The following ASCC2 variants were observed in gnomAD, a reference collection of about 807,000 sequenced individuals.
ASCC2 encodes the protein ASC-1 complex subunit P100.
Under a neutral mutation model 93.5 loss-of-function variants are expected in ASCC2, and 42 were observed. The observed-to-expected ratio is 0.45, with a 90% CI of 0.35 to 0.58. The LOEUF is 0.58. Among genes scored for constraint, ASCC2 ranks in the 20% least tolerant of loss-of-function variants. ASCC2 has a pLI of 0.00. For synonymous variants in ASCC2, 364 were observed against 384.2 expected (o/e 0.95, Z 0.62); for missense variants, 859 against 977.6 (o/e 0.88, Z 1.62).
At chr22:29,827,791 CAA>C (rs1491084069) in intron 2 of ASCC2, among the ~76,000 whole-genome samples, 1 of 91,692 alleles carries the variant, frequency 1.1e-5, no homozygotes, top group Non-Finnish European at 2.2e-5. Flanking sequence ...CACACACACA[CAA>C]CCAGGCTACT....
chr22:29,801,673 AG>A (rs1270311911), intron 14 of ASCC2, among the ~76,000 whole-genome samples: 19 of 152,288 alleles, frequency 1.2e-4, no homozygotes, highest in Non-Finnish European at 1.5e-5. Context: ...TCGTAATGAC[AG>A]GGGCAGGTCA....
chr22:29,804,734 C>T lies in ASCC2; in HGVS notation c.1257G>A (p.Val419=). The T allele has an allele frequency of 6.2e-7, 1 of 1,614,162 alleles. No individual in the cohort carries two copies. Among genetic ancestry groups the T allele is most frequent in the South Asian group, 1.1e-5 (1 of 91,080 alleles). The change falls in exon 13 of 20, where the codon GTG becomes GTA. Residue 419 remains valine, a synonymous_variant. Transcript: ENST00000307790. The stretch of plus-strand genomic sequence containing the variant: ...TAGGCTCCCCATTAGGCTCCTCAAT[C>T]ACCGATGGGTCTTTAGCATCTGTGG... ...RKATDAKDPS[V]IEEPNGEPNG...
intron 15 of ASCC2, among the ~76,000 whole-genome samples, chr22:29,793,914 T>C (rs1170393589): frequency 6.6e-6 from 1 of 151,624 alleles, no homozygotes; most frequent in Non-Finnish European, 1.5e-5. Context: ...TTTTTTTTTT[T>C]TTGAGAGGAA....
At chr22:29,800,710 G>T (rs928758257) in intron 15 of ASCC2, among the ~76,000 whole-genome samples, 6 of 152,210 alleles carry the variant, frequency 3.9e-5, no homozygotes, top group Non-Finnish European at 7.3e-5. Context: ...ATTAAAAGAT[G>T]TAAGAAGAAG....
intron 5 of ASCC2, among the ~76,000 whole-genome samples, chr22:29,821,565 G>A (rs554598979): frequency 6.6e-6 from 1 of 152,204 alleles, no homozygotes; most frequent in Non-Finnish European, 1.5e-5. Flanking sequence ...TAACATATGT[G>A]GAGTGCTTGG....
intron 15 of ASCC2, among the ~76,000 whole-genome samples, chr22:29,799,010 C>T (rs1336156595): frequency 6.6e-6 from 1 of 152,232 alleles, no homozygotes; most frequent in Non-Finnish European, 1.5e-5. Flanking sequence ...GAAACCTGGC[C>T]ACCTCAATGC....
chr22:29,789,486 A>C (rs949063786), intron 19 of ASCC2, among the ~76,000 whole-genome samples: 1 of 152,224 alleles, frequency 6.6e-6, no homozygotes, highest in Non-Finnish European at 1.5e-5. Context: ...GGAGGGCTTC[A>C]GGTGGGTCTC....
At chr22:29,813,397 T>A (rs368862173) in intron 8 of ASCC2, 33 bp downstream of exon 8, 1 of 1,379,536 alleles carries the variant, frequency 7.2e-7, no homozygotes, top group African/African-American at 1.4e-5. Context: ...TAAGCCAGTA[T>A]CTCTATTTCA....
At chr22:29,822,275 C>T in intron 5 of ASCC2, 60 bp downstream of exon 5, 1 of 1,604,222 alleles carries the variant, frequency 6.2e-7, no homozygotes, top group Admixed American at 1.7e-5. Flanking sequence ...CCTTTGCAAC[C>T]TTTAGTTTGG....
At chr22:29,822,518 A>G in intron 4 of ASCC2, 54 bp from the exon 5 acceptor site, 1 of 1,593,890 alleles carries the variant, frequency 6.3e-7, no homozygotes, top group South Asian at 1.1e-5. Flanking sequence ...CTCCTACATT[A>G]TAAATAGCAA....
intron 5 of ASCC2, 37 bp from the exon 6 acceptor site, chr22:29,816,110 G>GT (rs2060820586): frequency 6.6e-7 from 1 of 1,521,682 alleles, no homozygotes; most frequent in East Asian, 2.3e-5. Context: ...TTGAGAAAAG[G>GT]TGGGGGCTCG....
intron 18 of ASCC2, among the ~76,000 whole-genome samples, chr22:29,791,860 C>G (rs1044345291): frequency 2.6e-5 from 4 of 152,314 alleles, no homozygotes; most frequent in Admixed American, 2.6e-4. Context: ...CAGCGCAGTC[C>G]CCACCAGGCC....
chr22:29,790,650 C>A, intron 18 of ASCC2, 102 bp from the exon 19 acceptor site: 1 of 1,218,304 alleles, frequency 8.2e-7, no homozygotes, highest in Non-Finnish European at 1.2e-6. Flanking sequence ...TGCCTCCATG[C>A]CAGGTGTGGG....
intron 19 of ASCC2, among the ~76,000 whole-genome samples, chr22:29,789,597 C>A (rs1393002083): frequency 6.6e-6 from 1 of 152,246 alleles, no homozygotes; most frequent in African/African-American, 2.4e-5. Flanking sequence ...AGTGCACTCA[C>A]AGATGTGACC....
At chr22:29,806,961 A>C in intron 9 of ASCC2, 57 bp from the exon 10 acceptor site, 1 of 1,381,992 alleles carries the variant, frequency 7.2e-7, no homozygotes, top group South Asian at 1.2e-5. Context: ...CTGAGGGGCC[A>C]GGTGCAGTGG....
In ASCC2 at chr22:29,806,198, G is replaced by A; in HGVS notation, c.1160+18C>T. 1 of 1,612,994 alleles carries A rather than the reference G, an allele frequency of 6.2e-7. No individual in the cohort carries two copies. ...GTCAAGCTGGGCCCTGTCGTAGTGG[G>A]CTATGGTAGAAGGATACAAGACTGA... On this transcript the variant is annotated intron_variant, in intron 12 of 19. Coordinates refer to ENST00000307790, the MANE Select transcript of ASCC2 (RefSeq NM_032204.5).
At chr22:29,793,216 G>A (rs1347952199) in intron 17 of ASCC2, 144 bp downstream of exon 17, 8 of 1,139,766 alleles carry the variant, frequency 7.0e-6, no homozygotes, top group African/African-American at 3.1e-5. Flanking sequence ...AGGGTGGGCT[G>A]GGGTGGAGGA....
chr22:29,827,921 C>CAG (rs1392230824), intron 2 of ASCC2, among the ~76,000 whole-genome samples: 1 of 143,760 alleles, frequency 7.0e-6, no homozygotes, highest in Admixed American at 6.9e-5. Flanking sequence ...CACACACACA[C>CAG]ACACACACCA....
In ASCC2 at chr22:29,804,753, T is replaced by C; in HGVS notation, c.1238A>G (p.Asp413Gly). 6.2e-7 allele frequency: 1 copy of C among 1,614,110 alleles called. No homozygotes were observed. Among genetic ancestry groups the C allele is most frequent in the Non-Finnish European group, 8.5e-7 (1 of 1,180,010 alleles). Residue 413 changes from aspartate (D) to glycine (G), a missense_variant, in exon 13 of 20, where the codon GAT becomes GGT. By Grantham distance (94) the Asp-to-Gly change is moderately conservative. Coordinates refer to ENST00000307790, the MANE Select transcript of ASCC2 (RefSeq NM_032204.5). Reference sequence around the variant, plus strand: ...CTCAATCACCGATGGGTCTTTAGCATCTGTGGCTTTCCGTCTGTCCACCCC... The same window carrying C: ...CTCAATCACCGATGGGTCTTTAGCACCTGTGGCTTTCCGTCTGTCCACCCC... The part of the protein sequence containing the change: ...WEGVDRRKAT[D>G]AKDPSVIEEP...
Sources: gnomAD v4.1 joint callset for allele counts (sites outside exome capture counted in the v4.1 genomes callset) on GRCh38, gnomAD v4.1.1 for gene constraint, MANE v1.5 for transcripts, NCBI Gene and HGNC (gene_info 2026-07-23, HGNC 2026-07-21) for gene names.